The following NVL variants were observed in gnomAD, a reference collection of about 807,000 sequenced individuals.
NVL encodes nuclear VCP like, also known as nuclear valosin-containing protein-like.
In NVL, 84 loss-of-function variants were observed where a neutral mutation model predicts 110.2. The ratio of observed to expected loss-of-function variants is 0.76; its 90% CI spans 0.64 to 0.91. The LOEUF is 0.91. Among genes scored for constraint, NVL ranks in the 40% least tolerant of loss-of-function variants. NVL has a pLI of 0.00. For missense variants in NVL, 882 were observed against 1,035.9 expected (o/e 0.85, Z 2.04); for synonymous variants, 354 against 361.1 (o/e 0.98, Z 0.22).
chr1:224,302,009 G>A (rs949274807), intron 9 of NVL, among the ~76,000 whole-genome samples: 17 of 152,112 alleles, frequency 1.1e-4, no homozygotes, highest in African/African-American at 4.1e-4. Context: ...ATGAATGACT[G>A]TTTAATGTCT....
At chr1:224,329,474 T>TTC (rs1671469950) in intron 1 of NVL, among the ~76,000 whole-genome samples, 1 of 151,992 alleles carries the variant, frequency 6.6e-6, no homozygotes, top group Non-Finnish European at 1.5e-5. Flanking sequence ...ACAAGGAGAA[T>TTC]GTGTAGCTCA....
At chr1:224,312,119 C>A in intron 4 of NVL, 1 of 327,030 alleles carries the variant, frequency 3.1e-6, no homozygotes, top group Non-Finnish European at 5.5e-6. Context: ...TAAATAAACA[C>A]TTGCAAAGTC....
At chr1:224,237,617 G>A (rs536130907) in intron 19 of NVL, among the ~76,000 whole-genome samples, 20 of 151,852 alleles carry the variant, frequency 1.3e-4, no homozygotes, top group Non-Finnish European at 2.4e-4. Flanking sequence ...TTGCTCTGTC[G>A]CCCAGGCAGG....
At chr1:224,304,532 T>C (rs1364050903) in intron 8 of NVL, among the ~76,000 whole-genome samples, 1 of 152,122 alleles carries the variant, frequency 6.6e-6, no homozygotes, top group African/African-American at 2.4e-5. Flanking sequence ...ATATATACTA[T>C]AATTAAAATA....
intron 18 of NVL, among the ~76,000 whole-genome samples, chr1:224,251,990 G>A (rs1297322120): frequency 2.0e-5 from 3 of 152,166 alleles, no homozygotes; most frequent in Admixed American, 1.3e-4. Context: ...ACTGCAGAAT[G>A]AATCCTCCAG....
At chr1:224,231,150 G>C (rs1448652316) in intron 22 of NVL, 76 bp downstream of exon 22, 1 of 945,108 alleles carries the variant, frequency 1.1e-6, no homozygotes, top group Non-Finnish European at 1.7e-6. Context: ...AAAAAAAAGA[G>C]TTTAATTCAT....
chr1:224,308,632 A>C (rs945225184), intron 5 of NVL, among the ~76,000 whole-genome samples: 5 of 149,320 alleles, frequency 3.3e-5, no homozygotes, highest in African/African-American at 1.2e-4. Context: ...CGGAAGTTGC[A>C]GTGAGCCGAG....
At chr1:224,276,492 C>G (rs1571917815) in intron 16 of NVL, among the ~76,000 whole-genome samples, 1 of 152,158 alleles carries the variant, frequency 6.6e-6, no homozygotes, top group Non-Finnish European at 1.5e-5. Flanking sequence ...CCTGACTCAG[C>G]CTCCCAAAAT....
At chr1:224,301,619 C>A in intron 9 of NVL, 1 of 299,456 alleles carries the variant, frequency 3.3e-6, no homozygotes. Context: ...CTGGGCAACA[C>A]AGTGAGACCC....
At chr1:224,305,718 T>C (rs1668855047) in intron 6 of NVL, among the ~76,000 whole-genome samples, 2 of 152,156 alleles carry the variant, frequency 1.3e-5, no homozygotes, top group Non-Finnish European at 2.9e-5. Context: ...AATTTTTATA[T>C]TATCAGTAGA....
chr1:224,257,382 A>G (rs1571857390), intron 18 of NVL, among the ~76,000 whole-genome samples: 1 of 152,328 alleles, frequency 6.6e-6, no homozygotes, highest in East Asian at 1.9e-4. Flanking sequence ...TAACAGTAGC[A>G]ACTTTTAACT....
In NVL at chr1:224,236,598, A is replaced by G. The variant is rs907319363; in HGVS notation, c.2290-16T>C. On this transcript the variant is annotated splice_polypyrimidine_tract_variant and intron_variant, in intron 19 of 22. Transcript: ENST00000281701. ...TGGTACCATTCTAAGTAAGAGAGAA[A>G]AATGATTTTTCATTGGAGCTTTAAA... 13 of 1,605,488 alleles carry G rather than the reference A, an allele frequency of 8.1e-6. No individual in the cohort carries two copies. In the African/African-American group the frequency reaches 1.3e-4, roughly 17 times the overall value.
intron 15 of NVL, among the ~76,000 whole-genome samples, chr1:224,283,612 T>C (rs1666589282): frequency 6.6e-6 from 1 of 152,202 alleles, no homozygotes. Context: ...TATATGCTTT[T>C]CAAGTTATCC....
In NVL at chr1:224,317,698, T is replaced by A; in HGVS notation, c.280A>T (p.Asn94Tyr). Residue 94 changes from asparagine to tyrosine, a missense_variant, in exon 4 of 23, where the codon AAT becomes TAT. Around this residue, in one of 4 missense-constraint regions of NVL, gnomAD observed 274 missense variants for 268.4 expected, o/e 1.02. Coordinates refer to ENST00000281701, the MANE Select transcript of NVL (RefSeq NM_002533.4). ...AKRARQGEED[N>Y]EYTESYSDDD... ...CCCTGCATTTGGTATACTTACTCATTATCCTCTTCACCTTGTCTTGCCCTT... is the reference window on the plus strand; with the variant it reads ...CCCTGCATTTGGTATACTTACTCATAATCCTCTTCACCTTGTCTTGCCCTT... 1 of 1,575,674 alleles carries A rather than the reference T, an allele frequency of 6.3e-7. No homozygotes were observed.
intron 19 of NVL, among the ~76,000 whole-genome samples, chr1:224,244,693 A>ATT (rs1200382869): frequency 1.4e-5 from 1 of 70,652 alleles, no homozygotes; most frequent in African/African-American, 5.7e-5. Flanking sequence ...GCTGGTCTCC[A>ATT]TTTTTTTTTT....
At chr1:224,321,747 T>G (rs1670665676) in intron 2 of NVL, among the ~76,000 whole-genome samples, 2 of 50,782 alleles carry the variant, frequency 3.9e-5, no homozygotes, top group Non-Finnish European at 7.8e-5. Flanking sequence ...CAGAGTAAGA[T>G]TCCACCTCAA....
intron 6 of NVL, among the ~76,000 whole-genome samples, chr1:224,307,098 T>G (rs1668998457): frequency 6.6e-6 from 1 of 152,204 alleles, no homozygotes; most frequent in African/African-American, 2.4e-5. Context: ...CAAAATATTA[T>G]CATTTCAACA....
intron 16 of NVL, among the ~76,000 whole-genome samples, chr1:224,276,919 TAAAA>T (rs1558293097): frequency 1.3e-4 from 1 of 7,944 alleles, no homozygotes; most frequent in Admixed American, 1.3e-3. Context: ...CTTTGACACA[TAAAA>T]CTAGTTTTAT....
chr1:224,323,053 GA>G (rs1204043261), intron 2 of NVL, among the ~76,000 whole-genome samples: 3 of 152,168 alleles, frequency 2.0e-5, no homozygotes, highest in African/African-American at 7.2e-5. Flanking sequence ...CACAGAGAGA[GA>G]ATGCTATTAG....
Sources: allele counts gnomAD v4.1 joint callset (sites outside exome capture counted in the v4.1 genomes callset), GRCh38; gene constraint gnomAD v4.1.1; regional missense constraint gnomAD v4.1.1; transcripts MANE v1.5; gene names NCBI Gene and HGNC (gene_info 2026-07-23, HGNC 2026-07-21).